NTM: variants seen among roughly 807,000 people sequenced by gnomAD.
NTM encodes the protein IgLON family member 2.
NTM carries 13 observed loss-of-function variants against 42.1 expected under a neutral mutation model. The ratio of observed to expected loss-of-function variants is 0.31; its 90% confidence interval spans 0.20 to 0.49. NTM has a LOEUF of 0.49. Among genes scored for constraint, NTM ranks in the 20% least tolerant of loss-of-function variants. The probability of loss-of-function intolerance (pLI) is 0.99; values close to 1 mark genes in which losing one functional copy is unlikely to be tolerated. For missense variants in NTM, 373 were observed against 452.8 expected (o/e 0.82, Z 1.60); for synonymous variants, 187 against 179.2 (o/e 1.04, Z -0.35).
intron 1 of NTM, among the ~76,000 whole-genome samples, chr11:131,691,668 G>T (rs780857617): frequency 1.3e-5 from 2 of 152,088 alleles, no homozygotes; most frequent in African/African-American, 4.8e-5. Context: ...GGCAACCCCA[G>T]GGCGCAGCCA....
intron 2 of NTM, among the ~76,000 whole-genome samples, chr11:132,054,631 G>T (rs2079338044): frequency 6.6e-6 from 1 of 152,202 alleles, no homozygotes; most frequent in South Asian, 2.1e-4. Context: ...TGGTAGAATA[G>T]AGTGTATTCC....
chr11:131,392,842 G>A (rs1944179134), intron 1 of NTM, among the ~76,000 whole-genome samples: 2 of 152,168 alleles, frequency 1.3e-5, no homozygotes, highest in African/African-American at 4.8e-5. Context: ...TATTATTTTT[G>A]ACTGGCTTTT....
chr11:131,730,204 T>C (rs1443754336), intron 1 of NTM, among the ~76,000 whole-genome samples: 1 of 152,224 alleles, frequency 6.6e-6, no homozygotes, highest in Non-Finnish European at 1.5e-5. Context: ...TGTGCATCTT[T>C]TCATATGCTT....
intron 1 of NTM, among the ~76,000 whole-genome samples, chr11:131,867,363 C>T (rs1193523144): frequency 2.6e-5 from 4 of 151,904 alleles, no homozygotes; most frequent in Non-Finnish European, 5.9e-5. Context: ...GTATGTTTGT[C>T]TGTGTGTCTG....
In NTM at chr11:131,901,654, G is replaced by GA. The variant is rs370371583; in HGVS notation, c.83-9899dup. 8.3e-3 allele frequency among the ~76,000 whole-genome samples: 1,196 copies of GA among 144,288 alleles called. 9 individuals are homozygous for GA. The highest frequency in any genetic ancestry group is 0.053 in the Middle Eastern group (15 of 282). The allele number at this position is 144,288 out of a possible 152,430, so 94.7% of individuals were successfully genotyped here. ...TAGCTTTAAGCAGCTCTCTGCCTTT[G>GA]AAAAAAAAAAAGATAGTCTTCTCAT... On this transcript the variant is annotated intron_variant, in intron 1 of 8. Coordinates refer to ENST00000683400, the MANE Select transcript of NTM (RefSeq NM_001352005.2).
At chr11:132,196,305 G>A (rs2080201882) in intron 3 of NTM, among the ~76,000 whole-genome samples, 1 of 152,156 alleles carries the variant, frequency 6.6e-6, no homozygotes, top group Admixed American at 6.6e-5. Flanking sequence ...AACAGATGTT[G>A]GCAAAATTGT....
chr11:131,882,166 A>G (rs548997341), intron 1 of NTM, among the ~76,000 whole-genome samples: 9 of 152,294 alleles, frequency 5.9e-5, no homozygotes, highest in African/African-American at 9.6e-5. Context: ...AATAGGGTGT[A>G]TGTGTGTATG....
intron 2 of NTM, among the ~76,000 whole-genome samples, chr11:132,108,045 T>A (rs2062638777): frequency 6.6e-6 from 1 of 152,218 alleles, no homozygotes; most frequent in East Asian, 1.9e-4. Context: ...TGATGCCTAC[T>A]CCTTCTCAAT....
intron 2 of NTM, among the ~76,000 whole-genome samples, chr11:132,050,888 C>T (rs1170295021): frequency 6.6e-6 from 1 of 152,192 alleles, no homozygotes; most frequent in African/African-American, 2.4e-5. Flanking sequence ...TGTCTTGCCT[C>T]CAGCCTTGTC....
intron 1 of NTM, among the ~76,000 whole-genome samples, chr11:131,560,984 T>C (rs1252467552): frequency 6.6e-6 from 1 of 152,186 alleles, no homozygotes; most frequent in Non-Finnish European, 1.5e-5. Flanking sequence ...GCAGCAAGAT[T>C]CCGGGTGGCG....
At chr11:131,719,145 A>G (rs2078052130) in intron 1 of NTM, among the ~76,000 whole-genome samples, 1 of 152,096 alleles carries the variant, frequency 6.6e-6, no homozygotes, top group Admixed American at 6.5e-5. Flanking sequence ...CCTGGACTCC[A>G]GCTATCTGCC....
At chr11:131,973,551 G>A (rs2063864894) in intron 2 of NTM, among the ~76,000 whole-genome samples, 1 of 152,208 alleles carries the variant, frequency 6.6e-6, no homozygotes, top group Non-Finnish European at 1.5e-5. Flanking sequence ...CAGGCGCTGT[G>A]GCTCATGCCG....
intron 1 of NTM, among the ~76,000 whole-genome samples, chr11:131,419,026 C>G (rs1405565220): frequency 1.3e-5 from 2 of 152,178 alleles, no homozygotes; most frequent in African/African-American, 4.8e-5. Flanking sequence ...GAGCAACTCA[C>G]TTGGGTAAGC....
intron 1 of NTM, among the ~76,000 whole-genome samples, chr11:131,491,471 A>T (rs756782917): frequency 1.9e-4 from 29 of 152,140 alleles, no homozygotes; most frequent in Non-Finnish European, 3.5e-4. Context: ...AAATACTCAC[A>T]TCCATACCTA....
chr11:131,485,187 C>G (rs1415019163), intron 1 of NTM, among the ~76,000 whole-genome samples: 1 of 152,210 alleles, frequency 6.6e-6, no homozygotes, highest in Admixed American at 6.5e-5. Flanking sequence ...ACCAGGGCAT[C>G]AGGCCCTCCA....
chr11:131,847,212 G>A (rs1256680829), intron 1 of NTM, among the ~76,000 whole-genome samples: 2 of 152,044 alleles, frequency 1.3e-5, no homozygotes, highest in Non-Finnish European at 2.9e-5. Context: ...AACTAGTAAA[G>A]TGGTAAGTAT....
chr11:131,726,104 T>C (rs1261680752), intron 1 of NTM, among the ~76,000 whole-genome samples: 2 of 152,170 alleles, frequency 1.3e-5, no homozygotes, highest in African/African-American at 4.8e-5. Context: ...AGGTAGGATT[T>C]TGAACAGGAA....
At chr11:131,718,151 A>G (rs2077921759) in intron 1 of NTM, among the ~76,000 whole-genome samples, 1 of 152,180 alleles carries the variant, frequency 6.6e-6, no homozygotes, top group South Asian at 2.1e-4. Flanking sequence ...TTTATGGAAA[A>G]TAATGGTCTG....
At chr11:132,149,111 G>C (rs1473744128) in intron 3 of NTM, among the ~76,000 whole-genome samples, 1 of 151,476 alleles carries the variant, frequency 6.6e-6, no homozygotes, top group East Asian at 1.9e-4. Context: ...TTAATGAATA[G>C]AGGACCATAG....
Sources: allele counts gnomAD v4.1 joint callset (sites outside exome capture counted in the v4.1 genomes callset), GRCh38; gene constraint gnomAD v4.1.1; transcripts MANE v1.5; gene names NCBI Gene and HGNC (gene_info 2026-07-23, HGNC 2026-07-21).